Variants in VPS13D observed in about 807,000 individuals in gnomAD.
VPS13D encodes the protein intermembrane lipid transfer protein VPS13D.
Under a neutral mutation model 461.9 loss-of-function variants are expected in VPS13D, and 187 were observed. The ratio of observed to expected loss-of-function variants is 0.40; its 90% CI spans 0.36 to 0.46. VPS13D has a LOEUF of 0.46. VPS13D is among the 20% of genes least tolerant of loss of function. VPS13D has a pLI of 0.60. For missense variants in VPS13D, 4,711 were observed against 5,364.9 expected (o/e 0.88, Z 3.81); for synonymous variants, 1,951 against 1,986.3 (o/e 0.98, Z 0.47).
At chr1:12,446,019 A>T (rs1015925482) in intron 65 of VPS13D, among the ~76,000 whole-genome samples, 1 of 152,258 alleles carries the variant, frequency 6.6e-6, no homozygotes, top group African/African-American at 2.4e-5. Flanking sequence ...GGTCTATCCT[A>T]CCCACCACCA....
intron 31 of VPS13D, among the ~76,000 whole-genome samples, chr1:12,318,624 AGTCT>A (rs1172870784): frequency 6.6e-6 from 1 of 151,898 alleles, no homozygotes; most frequent in African/African-American, 2.4e-5. Flanking sequence ...TCCAGTGTAC[AGTCT>A]GTCTGTAATT....
intron 48 of VPS13D, 142 bp downstream of exon 48, chr1:12,356,232 A>G: frequency 7.2e-7 from 1 of 1,382,504 alleles, no homozygotes; most frequent in Non-Finnish European, 9.7e-7. Flanking sequence ...TTCCATCATA[A>G]ATGCTTAATC....
rs780976292 is a variant in VPS13D at position 12,266,911 on chromosome 1, G to A, written c.1625G>A (p.Arg542Gln). 20 of 1,603,708 alleles carry A rather than the reference G, an allele frequency of 1.2e-5. No individual in the cohort carries two copies. The highest frequency in any genetic ancestry group is 1.8e-5 in the Admixed American group (1 of 57,056). ...DVKLLAESLPRRNSSLLSVRL... is the reference protein window; with the variant it reads ...DVKLLAESLPQRNSSLLSVRL... ...AAACTTCTAGCAGAGTCTCTTCCTC[G>A]AAGAAATTCCTCGTTGCTTTCAGTC... is the stretch of plus-strand genomic sequence containing the variant. Residue 542 changes from arginine to glutamine, a missense_variant, in exon 14 of 70, where the codon CGA becomes CAA. Physicochemically the swap from Arg to Gln is conservative, Grantham distance 43. This residue lies in a region of VPS13D where 4,411 missense variants were observed against 4,937.8 expected (regional missense o/e 0.89). Transcript: ENST00000620676.
intron 63 of VPS13D, among the ~76,000 whole-genome samples, chr1:12,409,041 A>C (rs1644690286): frequency 6.6e-6 from 1 of 152,034 alleles, no homozygotes; most frequent in Non-Finnish European, 1.5e-5. Flanking sequence ...GAAAGTTGCA[A>C]GTATTTTTTC....
At chr1:12,272,929 A>G in intron 17 of VPS13D, 74 bp from the exon 18 acceptor site, 1 of 1,556,774 alleles carries the variant, frequency 6.4e-7, no homozygotes, top group South Asian at 1.2e-5. Flanking sequence ...TGCAGCTTCC[A>G]GAAATGCTTG....
chr1:12,356,107 C>A lies in VPS13D; in HGVS notation c.9871+17C>A. Reference sequence around the variant, plus strand: ...ACAAAACAGGTACATACAGGGGCTGCTCAAGTAGGTCTTTGGCGTTAGTCA... The same window carrying A: ...ACAAAACAGGTACATACAGGGGCTGATCAAGTAGGTCTTTGGCGTTAGTCA... On this transcript the variant is annotated intron_variant, in intron 48 of 69. Transcript: ENST00000620676. 6.3e-7 allele frequency: 1 copy of A among 1,585,792 alleles called. No homozygotes were observed. Among genetic ancestry groups the A allele is most frequent in the Non-Finnish European group, 8.6e-7 (1 of 1,163,720 alleles).
At chr1:12,393,077 C>CCA (rs886871900) in intron 60 of VPS13D, among the ~76,000 whole-genome samples, 1 of 152,194 alleles carries the variant, frequency 6.6e-6, no homozygotes, top group Admixed American at 6.5e-5. Flanking sequence ...TCTTGGCAGG[C>CCA]CACACACCAC....
intron 1 of VPS13D, among the ~76,000 whole-genome samples, chr1:12,231,314 A>G (rs1639967254): frequency 6.6e-6 from 1 of 152,258 alleles, no homozygotes; most frequent in Non-Finnish European, 1.5e-5. Flanking sequence ...CCTTCAGGGA[A>G]TCCTTGAAGT....
chr1:12,448,124 A>G (rs1645217425), intron 65 of VPS13D, among the ~76,000 whole-genome samples: 1 of 152,112 alleles, frequency 6.6e-6, no homozygotes, highest in African/African-American at 2.4e-5. Context: ...TTTGTAGATG[A>G]AGACACTGAT....
At position 12,273,280 on chromosome 1, in the gene VPS13D, TAAATAATG is replaced by T. The variant is rs1641508053; in HGVS notation, c.2236+157_2236+164del. The T allele has an allele frequency of 7.6e-6, 8 of 1,047,694 alleles. No individual in the cohort carries two copies. The Admixed American group carries it at 9.7e-5, about 13-fold the overall frequency. The allele number at this position is 1,047,694 out of a possible 1,614,324, so 64.9% of individuals were successfully genotyped here. A position where few individuals can be genotyped will look rare whatever the true frequency, so the allele number is the denominator to read the frequency against. On this transcript the variant is annotated intron_variant, in intron 18 of 69. Coordinates refer to ENST00000620676, the MANE Select transcript of VPS13D (RefSeq NM_015378.4). ...ACTTCAAGGTTCATCTGTAACTTTTTAAATAATGAAATAATGAAAACATATCTTGGTAG... is the reference window on the plus strand; with the variant it reads ...ACTTCAAGGTTCATCTGTAACTTTTTAAATAATGAAAACATATCTTGGTAG...
At chr1:12,257,196 G>A in intron 9 of VPS13D, 109 bp downstream of exon 9, 2 of 940,728 alleles carry the variant, frequency 2.1e-6, no homozygotes, top group Non-Finnish European at 3.3e-6. Context: ...GGAGATAAAA[G>A]TACAGTTGAT....
rs1420198198 is a variant in VPS13D, at chr1:12,319,595, G to A, written c.7513G>A (p.Asp2505Asn). The A allele has an allele frequency of 6.2e-7, 1 of 1,614,196 alleles. No individual in the cohort carries two copies. The highest frequency in any genetic ancestry group is 8.5e-7 in the Non-Finnish European group (1 of 1,180,024). The change falls in exon 32 of 70, where the codon GAT (aspartate) becomes AAT (asparagine). Residue 2505 changes from aspartate (D) to asparagine (N), a missense_variant. By Grantham distance (23) the Asp-to-Asn change is conservative. This residue lies in a region of VPS13D where 4,411 missense variants were observed against 4,937.8 expected (regional missense o/e 0.89). Transcript: ENST00000620676. The part of the protein sequence containing the change: ...TVLTYKPRFV[D>N]RPFSGSLFGI... ...GCTCACCTATAAGCCCCGGTTTGTT[G>A]ATCGCCCCTTTTCAGGAAGTTTGTT... is the stretch of plus-strand genomic sequence containing the variant.
intron 29 of VPS13D, among the ~76,000 whole-genome samples, chr1:12,312,885 T>C (rs1265802878): frequency 6.6e-6 from 1 of 152,230 alleles, no homozygotes; most frequent in Non-Finnish European, 1.5e-5. Flanking sequence ...GAGTAGCAAT[T>C]GCTCCCTTGA....
chr1:12,358,283 G>A (rs774786017), intron 49 of VPS13D, among the ~76,000 whole-genome samples, 176 bp from the exon 50 acceptor site: 3 of 152,172 alleles, frequency 2.0e-5, no homozygotes, highest in Non-Finnish European at 4.4e-5. Flanking sequence ...CTAAGATACA[G>A]CTTTAACCAC....
chr1:12,293,604 A>C lies in VPS13D; in HGVS notation c.5933A>C (p.His1978Pro). 1 of 1,614,200 alleles carries C rather than the reference A, an allele frequency of 6.2e-7. No homozygotes were observed. Among genetic ancestry groups the C allele is most frequent in the East Asian group, 2.2e-5 (1 of 44,888 alleles). ...CGGATGGCCTCTGTGCAGTATGTGCATACTCAGCGTTTCCAGGCAGAGGTG... is the reference window on the plus strand; with the variant it reads ...CGGATGGCCTCTGTGCAGTATGTGCCTACTCAGCGTTTCCAGGCAGAGGTG... Reference protein sequence around the residue: ...SLRMASVQYVHTQRFQAEVVA... With the variant: ...SLRMASVQYVPTQRFQAEVVA... The change falls in exon 24 of 70, where the codon CAT becomes CCT. Residue 1978 changes from histidine (H) to proline (P), a missense_variant. By Grantham distance (77) the His-to-Pro change is moderately conservative. Around this residue, in one of 3 missense-constraint regions of VPS13D, gnomAD observed 4,411 missense variants for 4,937.8 expected, o/e 0.89. Coordinates refer to ENST00000620676, the MANE Select transcript of VPS13D (RefSeq NM_015378.4).
At position 12,379,516 on chromosome 1, in the gene VPS13D, G is replaced by T; in HGVS notation, c.11110G>T (p.Asp3704Tyr). 1.2e-6 allele frequency: 2 copies of T among 1,613,156 alleles called. No individual in the cohort carries two copies. Among genetic ancestry groups the T allele is most frequent in the South Asian group, 1.1e-5 (1 of 90,846 alleles). ...RYEPLMLRKPDRRRSTTQTWS... is the reference protein window; with the variant it reads ...RYEPLMLRKPYRRRSTTQTWS... ...CGAGCCACTGATGCTGAGAAAGCCT[G>T]ACCGCAGGCGAAGCACAACTCAGAC... Residue 3704 changes from aspartate (D) to tyrosine (Y), a missense_variant, in exon 57 of 70, where the codon GAC (aspartate) becomes TAC (tyrosine). Coordinates refer to ENST00000620676, the MANE Select transcript of VPS13D (RefSeq NM_015378.4).
Position 12,230,084 on chromosome 1 carries a change from G to C in VPS13D, c.-113G>C, listed in dbSNP as rs1469311883. On this transcript the variant is annotated 5_prime_UTR_variant, in exon 1 of 70. Coordinates refer to ENST00000620676, the MANE Select transcript of VPS13D (RefSeq NM_015378.4). ...AGCGGCGGGGAGGAAACGCCGCGCA[G>C]CGCCGGGCTGGGGCGGGCGGCCCGG... 2 of 151,928 alleles carry C rather than the reference G, an allele frequency of 1.3e-5. No homozygotes were observed. The highest frequency in any genetic ancestry group is 2.9e-5 in the Non-Finnish European group (2 of 68,042). The allele number at this position is 151,928 out of a possible 1,614,324, so 9.4% of individuals were successfully genotyped here.
chr1:12,304,781 T>A, intron 26 of VPS13D, 53 bp downstream of exon 26: 1 of 1,576,276 alleles, frequency 6.3e-7, no homozygotes, highest in Non-Finnish European at 8.7e-7. Context: ...TTCACAGGAC[T>A]GTTGAGGAAA....
chr1:12,484,390 T>C (rs1036012687), intron 67 of VPS13D, among the ~76,000 whole-genome samples: 1 of 152,240 alleles, frequency 6.6e-6, no homozygotes, highest in African/African-American at 2.4e-5. Context: ...TTTGTTGTTA[T>C]TGCCTTTTTT....
Sources: gnomAD v4.1 joint callset for allele counts (sites outside exome capture counted in the v4.1 genomes callset) on GRCh38, gnomAD v4.1.1 for gene constraint, gnomAD v4.1.1 regional missense constraint, MANE v1.5 for transcripts, NCBI Gene and HGNC (gene_info 2026-07-23, HGNC 2026-07-21) for gene names.